FMN2: variants seen among roughly 807,000 people sequenced by gnomAD.
The protein encoded by FMN2 is formin-2.
A neutral mutation model predicts 142.3 loss-of-function variants in FMN2; 51 were observed. The observed-to-expected ratio is 0.36, with a 90% confidence interval of 0.29 to 0.45. The LOEUF is 0.45. FMN2 is among the 20% of genes least tolerant of loss of function. FMN2 has a pLI of 1.00. For missense variants in FMN2, 1,936 were observed against 2,122.8 expected (o/e 0.91, Z 1.73); for synonymous variants, 882 against 869.8 (o/e 1.01, Z -0.25).
At chr1:240,332,003 A>T (rs987530572) in intron 11 of FMN2, among the ~76,000 whole-genome samples, 9 of 152,154 alleles carry the variant, frequency 5.9e-5, no homozygotes, top group Non-Finnish European at 1.3e-4. Flanking sequence ...TTGTAAGATG[A>T]AGCATCGGGA....
At chr1:240,340,521 C>T (rs550725136) in intron 13 of FMN2, among the ~76,000 whole-genome samples, 1 of 152,234 alleles carries the variant, frequency 6.6e-6, no homozygotes, top group East Asian at 1.9e-4. Context: ...GCAGAGTTTG[C>T]AGTGAGTGAA....
At chr1:240,257,787 C>G (rs113266477) in intron 6 of FMN2, among the ~76,000 whole-genome samples, 158 bp from the exon 7 acceptor site, 2,560 of 152,140 alleles carry the variant, frequency 0.017, 93 homozygotes, top group African/African-American at 0.058. Context: ...CCCAAAAGCT[C>G]TCTTCAAACA....
chr1:240,129,342 G>T (rs1662642410), intron 2 of FMN2, among the ~76,000 whole-genome samples: 1 of 152,014 alleles, frequency 6.6e-6, no homozygotes, highest in East Asian at 1.9e-4. Context: ...TTGAAACGTT[G>T]TGTACAGTAT....
chr1:240,350,167 A>G (rs1672042508), intron 13 of FMN2, among the ~76,000 whole-genome samples: 2 of 152,236 alleles, frequency 1.3e-5, no homozygotes, highest in South Asian at 2.1e-4. Flanking sequence ...TAGAAACTCT[A>G]GAACGTGACA....
intron 8 of FMN2, among the ~76,000 whole-genome samples, chr1:240,300,094 C>G (rs189098371): frequency 6.6e-6 from 1 of 152,270 alleles, no homozygotes; most frequent in East Asian, 1.9e-4. Context: ...TTCCATCCCT[C>G]CTCTATCACC....
At chr1:240,208,792 C>T (rs1666560680) in intron 5 of FMN2, 60 bp downstream of exon 5, 2 of 1,511,058 alleles carry the variant, frequency 1.3e-6, no homozygotes, top group Non-Finnish European at 8.9e-7. Flanking sequence ...AAGTGTTTAC[C>T]TTCAAACTCG....
At chr1:240,134,973 G>A (rs1252808926) in intron 2 of FMN2, among the ~76,000 whole-genome samples, 1 of 152,148 alleles carries the variant, frequency 6.6e-6, no homozygotes, top group Non-Finnish European at 1.5e-5. Flanking sequence ...TTATGTTCAT[G>A]ACCATCCCGT....
At chr1:240,229,837 G>T (rs1205942597) in intron 6 of FMN2, among the ~76,000 whole-genome samples, 1 of 128,908 alleles carries the variant, frequency 7.8e-6, no homozygotes, top group Admixed American at 7.4e-5. Context: ...GTAGAGACAG[G>T]GTTTCACCAT....
In FMN2 at chr1:240,473,150, A is replaced by T. The variant is rs187913232; in HGVS notation, c.5142+697A>T. 1.3e-5 allele frequency among the ~76,000 whole-genome samples: 2 copies of T among 152,114 alleles called. No homozygotes were observed. Among genetic ancestry groups the T allele is most frequent in the East Asian group, 3.9e-4 (2 of 5,174 alleles). ...CCACTGGGATGTAAAGTTGGTGGGAAGCGCCAAGAGCAGTGTGACGCTTTG... is the reference window on the plus strand; with the variant it reads ...CCACTGGGATGTAAAGTTGGTGGGATGCGCCAAGAGCAGTGTGACGCTTTG... On this transcript the variant is annotated intron_variant, in intron 17 of 17. Transcript: ENST00000319653. The surrounding 1 kb of genome is among the most constrained non-coding windows in gnomAD (Gnocchi z 4.3).
rs1387756478 is a variant in FMN2 at position 240,294,899 on chromosome 1, A to C, written c.4215+16A>C. ...CTATGAGAATGTGAGTAATAGAAGG[A>C]ATTTTATGTGTGAGTATATAATATG... is the stretch of plus-strand genomic sequence containing the variant. On this transcript the variant is annotated intron_variant, in intron 8 of 17. Transcript: ENST00000319653. The C allele has an allele frequency of 6.2e-7, 1 of 1,607,820 alleles. No homozygotes were observed.
chr1:240,298,337 C>A (rs1670065996), intron 8 of FMN2, among the ~76,000 whole-genome samples: 1 of 152,138 alleles, frequency 6.6e-6, no homozygotes, highest in Admixed American at 6.5e-5. Flanking sequence ...TACATATATG[C>A]AAATTCCTGA....
At chr1:240,214,136 A>G (rs1666796012) in intron 6 of FMN2, among the ~76,000 whole-genome samples, 1 of 152,234 alleles carries the variant, frequency 6.6e-6, no homozygotes, top group South Asian at 2.1e-4. Context: ...CTGAGAAGGT[A>G]CATAGAAGTT....
intron 6 of FMN2, among the ~76,000 whole-genome samples, chr1:240,242,109 T>A (rs919280579): frequency 6.6e-6 from 1 of 151,976 alleles, no homozygotes; most frequent in Non-Finnish European, 1.5e-5. Flanking sequence ...CCTCCCAAAG[T>A]GCTGGGATGA....
At chr1:240,246,281 C>T (rs1300506344) in intron 6 of FMN2, among the ~76,000 whole-genome samples, 1 of 152,200 alleles carries the variant, frequency 6.6e-6, no homozygotes, top group Admixed American at 6.5e-5. Flanking sequence ...GTAACTTAGT[C>T]ATATGGCTAT....
chr1:240,420,893 A>T lies in FMN2; in HGVS notation c.4911-17168A>T, dbSNP rs371761308. ...TACAAAAAGCAAGTGCCAAGATTGG[A>T]TTTATTTGGAAAAACAGGAAGGGAG... is the stretch of plus-strand genomic sequence containing the variant. On this transcript the variant is annotated intron_variant, in intron 15 of 17. Coordinates refer to ENST00000319653, the MANE Select transcript of FMN2 (RefSeq NM_020066.5). 4.6e-5 allele frequency among the ~76,000 whole-genome samples: 7 copies of T among 152,128 alleles called. No individual in the cohort carries two copies. In the South Asian group the frequency reaches 1.4e-3, roughly 31 times the overall value.
intron 6 of FMN2, among the ~76,000 whole-genome samples, chr1:240,251,303 T>A (rs892697401): frequency 6.6e-5 from 10 of 152,160 alleles, no homozygotes; most frequent in Non-Finnish European, 1.2e-4. Context: ...GGATTTTTTT[T>A]ATTTCTTCCT....
chr1:240,406,114 C>T (rs1442132778), intron 15 of FMN2, among the ~76,000 whole-genome samples: 2 of 80,162 alleles, frequency 2.5e-5, no homozygotes, highest in South Asian at 5.6e-4. Flanking sequence ...GTGGGGGAAG[C>T]GAAGGGAATC....
At position 240,092,521 on chromosome 1, in the gene FMN2, C is replaced by T; in HGVS notation, c.412C>T (p.Pro138Ser). ...CCTGTCGGATACCGAGTGTGCGGACCCTTTTGAGGTGACCGGTCCAGGGGG... is the reference window on the plus strand; with the variant it reads ...CCTGTCGGATACCGAGTGTGCGGACTCTTTTGAGGTGACCGGTCCAGGGGG... Reference protein sequence around the residue: ...AGLSDTECADPFEVTGPGGPG... With the variant: ...AGLSDTECADSFEVTGPGGPG... Residue 138 changes from proline to serine, a missense_variant, in exon 1 of 18, where the codon CCT becomes TCT. By Grantham distance (74) the Pro-to-Ser change is moderately conservative (BLOSUM62 -1). Transcript: ENST00000319653. The T allele has an allele frequency of 6.2e-7, 1 of 1,609,718 alleles. No individual in the cohort carries two copies.
chr1:240,382,381 C>A (rs1374928604), intron 14 of FMN2, among the ~76,000 whole-genome samples: 1 of 152,034 alleles, frequency 6.6e-6, no homozygotes, highest in Non-Finnish European at 1.5e-5. Context: ...GAATCAACAT[C>A]ATTAAAATAC....
Sources: gnomAD v4.1 joint callset for allele counts (sites outside exome capture counted in the v4.1 genomes callset) on GRCh38, gnomAD v4.1.1 for gene constraint, Gnocchi (gnomAD v3.1) non-coding constraint, MANE v1.5 for transcripts, NCBI Gene and HGNC (gene_info 2026-07-23, HGNC 2026-07-21) for gene names.